CYRIB: variants seen among roughly 807,000 people sequenced by gnomAD.
The protein encoded by CYRIB is CYFIP-related Rac1 interactor B.
A neutral mutation model predicts 44.2 loss-of-function variants in CYRIB; 8 were observed. The observed-to-expected ratio is 0.18, with a 90% CI of 0.11 to 0.33. CYRIB has a LOEUF of 0.33. Ranked by LOEUF, CYRIB falls within the 10% of genes least tolerant of loss-of-function variation. The probability of loss-of-function intolerance (pLI) is 1.00; values close to 1 mark genes in which losing one functional copy is unlikely to be tolerated. For missense variants in CYRIB, 185 were observed against 382.8 expected, an observed-to-expected ratio of 0.48 and a Z score of 4.31; for synonymous variants, 131 against 127.2, an observed-to-expected ratio of 1.03 and a Z score of -0.20.
chr8:129,903,746 T>C (rs546688495), intron 1 of CYRIB, among the ~76,000 whole-genome samples: 3 of 152,244 alleles, frequency 2.0e-5, no homozygotes, highest in Non-Finnish European at 2.9e-5. Flanking sequence ...ATATTTATAT[T>C]TCTTATCACA....
chr8:129,932,784 C>A (rs528178324), intron 1 of CYRIB, among the ~76,000 whole-genome samples: 5 of 152,254 alleles, frequency 3.3e-5, no homozygotes, highest in African/African-American at 1.2e-4. Context: ...AAAGGCCCTG[C>A]AGACTGAGTT....
At chr8:129,855,799 T>C in intron 5 of CYRIB, 52 bp from the exon 8 acceptor site, 1 of 1,510,966 alleles carries the variant, frequency 6.6e-7, no homozygotes, top group Non-Finnish European at 9.0e-7. Context: ...TGTGTGATAT[T>C]TGTTTATTAA....
intron 1 of CYRIB, among the ~76,000 whole-genome samples, chr8:129,916,741 T>C (rs763707536): frequency 1.3e-5 from 2 of 152,232 alleles, no homozygotes; most frequent in African/African-American, 2.4e-5. Context: ...TGCTACTCAT[T>C]GGCTGCAGAT....
At chr8:129,909,503 T>C (rs2076970077) in intron 1 of CYRIB, among the ~76,000 whole-genome samples, 1 of 152,216 alleles carries the variant, frequency 6.6e-6, no homozygotes, top group African/African-American at 2.4e-5. Context: ...TTTCACATCA[T>C]TAAAAACTCT....
chr8:129,927,551 G>C (rs953978607), intron 1 of CYRIB, among the ~76,000 whole-genome samples: 1 of 152,144 alleles, frequency 6.6e-6, no homozygotes, highest in East Asian at 1.9e-4. Flanking sequence ...GGCAAATACG[G>C]ATATGTCTCT....
At chr8:129,882,320 T>A (rs1328729765) in intron 2 of CYRIB, among the ~76,000 whole-genome samples, 1 of 152,176 alleles carries the variant, frequency 6.6e-6, no homozygotes, top group Non-Finnish European at 1.5e-5. Flanking sequence ...AAAACACAGG[T>A]AATTATAGTA....
intron 1 of CYRIB, among the ~76,000 whole-genome samples, chr8:129,936,901 G>T (rs1299804964): frequency 6.6e-6 from 1 of 151,886 alleles, no homozygotes; most frequent in African/African-American, 2.4e-5. Flanking sequence ...TAGAGACGGG[G>T]TTTCACCATG....
chr8:129,947,066 T>C (rs978177261), intron 2 of CYRIB, among the ~76,000 whole-genome samples: 1 of 139,626 alleles, frequency 7.2e-6, no homozygotes, highest in Non-Finnish European at 1.6e-5. Context: ...ATTTATTTAT[T>C]TTTTTTTTTG....
At chr8:129,999,150 G>A (rs1055096263) in intron 1 of CYRIB, among the ~76,000 whole-genome samples, 2 of 152,124 alleles carry the variant, frequency 1.3e-5, no homozygotes, top group African/African-American at 4.8e-5. Flanking sequence ...GACGCAGGAG[G>A]GGCAGAGGAG....
rs180933154 is a variant in CYRIB, at chr8:129,985,320, G to A, written c.-295-14325C>T. ...AGTAGGTGCCACTATCCAGAAGGCC[G>A]GTCTTTCTCACGGCCTCTCCACGCT... On this transcript the variant is annotated intron_variant, in intron 1 of 14. Transcript: ENST00000401979. Among the ~76,000 whole-genome samples, 50 of 152,242 alleles carry A rather than the reference G, an allele frequency of 3.3e-4. 2 individuals are homozygous for A. The East Asian group carries it at 6.8e-3, about 21-fold the overall frequency.
intron 2 of CYRIB, among the ~76,000 whole-genome samples, chr8:129,960,656 A>AG (rs1435938145): frequency 2.1e-5 from 3 of 146,072 alleles, no homozygotes; most frequent in African/African-American, 7.6e-5. Flanking sequence ...CAAGAAAAAA[A>AG]AAAAAAAAAA....
At chr8:129,869,388 A>C (rs925053568) in intron 4 of CYRIB, among the ~76,000 whole-genome samples, 2 of 139,106 alleles carry the variant, frequency 1.4e-5, no homozygotes, top group African/African-American at 5.9e-5. Context: ...CCTCAAAAAA[A>C]AAAAAAAAAA....
intron 1 of CYRIB, among the ~76,000 whole-genome samples, chr8:129,991,919 C>A (rs1225946041): frequency 3.0e-5 from 4 of 133,022 alleles, no homozygotes; most frequent in African/African-American, 1.2e-4. Flanking sequence ...CCACTGCACT[C>A]CAGCCTGGGC....
intron 2 of CYRIB, among the ~76,000 whole-genome samples, chr8:129,887,122 A>G (rs1299461810): frequency 6.6e-6 from 1 of 152,052 alleles, no homozygotes; most frequent in Non-Finnish European, 1.5e-5. Flanking sequence ...AGCCCCTCCC[A>G]CCACAGACTC....
chr8:129,966,206 T>C (rs1359527985), intron 2 of CYRIB, among the ~76,000 whole-genome samples: 1 of 152,174 alleles, frequency 6.6e-6, no homozygotes, highest in East Asian at 1.9e-4. Flanking sequence ...GTCTTTCTAT[T>C]ACTAGCAATG....
chr8:129,970,194 G>A (rs186635817), intron 2 of CYRIB, among the ~76,000 whole-genome samples: 150 of 152,252 alleles, frequency 9.9e-4, no homozygotes, highest in African/African-American at 3.3e-3. Flanking sequence ...TTAAAAGCAC[G>A]CCTACGTAGA....
At chr8:129,878,484 A>G (rs1330703062) in intron 3 of CYRIB, among the ~76,000 whole-genome samples, 1 of 152,220 alleles carries the variant, frequency 6.6e-6, no homozygotes, top group Non-Finnish European at 1.5e-5. Context: ...TTAAGTATAT[A>G]AAAATACATT....
At chr8:129,922,303 G>T (rs2137213524) in intron 1 of CYRIB, among the ~76,000 whole-genome samples, 1 of 152,192 alleles carries the variant, frequency 6.6e-6, no homozygotes, top group South Asian at 2.1e-4. Flanking sequence ...GAATATTCCA[G>T]TCTCGAATAG....
intron 1 of CYRIB, among the ~76,000 whole-genome samples, chr8:129,993,118 C>T (rs1269454869): frequency 3.3e-5 from 5 of 152,180 alleles, no homozygotes; most frequent in Non-Finnish European, 5.9e-5. Flanking sequence ...CCACCGGGCA[C>T]GGTGGCTCAC....
Sources: allele counts gnomAD v4.1 joint callset (sites outside exome capture counted in the v4.1 genomes callset), GRCh38; gene constraint gnomAD v4.1.1; transcripts MANE v1.5; gene names NCBI Gene and HGNC (gene_info 2026-07-23, HGNC 2026-07-21).